Variants in THSD4 observed in about 807,000 individuals in gnomAD.
The protein encoded by THSD4 is thrombospondin type-1 domain-containing protein 4.
A neutral mutation model predicts 119.0 loss-of-function variants in THSD4; 69 were observed. The observed-to-expected ratio is 0.58, with a 90% CI of 0.48 to 0.71. The LOEUF (loss-of-function observed/expected upper bound fraction) is 0.71. Among genes scored for constraint, THSD4 ranks in the 30% least tolerant of loss-of-function variants. The pLI is 0.00. For missense variants in THSD4, 1,393 were observed against 1,391.1 expected (o/e 1.00, Z -0.02); for synonymous variants, 524 against 540.4 (o/e 0.97, Z 0.42).
At chr15:71,495,926 C>T (rs1226858524) in intron 7 of THSD4, among the ~76,000 whole-genome samples, 1 of 152,178 alleles carries the variant, frequency 6.6e-6, no homozygotes, top group Non-Finnish European at 1.5e-5. Context: ...GCTTTGGCAG[C>T]GTTCAGGACA....
intron 8 of THSD4, among the ~76,000 whole-genome samples, chr15:71,680,886 T>C (rs1318026978): frequency 6.6e-6 from 1 of 152,100 alleles, no homozygotes; most frequent in Non-Finnish European, 1.5e-5. Flanking sequence ...AAAATACTTA[T>C]TCAATAAACA....
At chr15:71,365,544 G>A (rs1017462036) in intron 6 of THSD4, among the ~76,000 whole-genome samples, 4 of 152,126 alleles carry the variant, frequency 2.6e-5, no homozygotes, top group Non-Finnish European at 5.9e-5. Flanking sequence ...ATACAGTGGG[G>A]CGGTGTGGGG....
At chr15:71,129,611 T>A (rs1362830415) in intron 1 of THSD4, among the ~76,000 whole-genome samples, 1 of 152,250 alleles carries the variant, frequency 6.6e-6, no homozygotes, top group African/African-American at 2.4e-5. Flanking sequence ...ATGTGATGAC[T>A]GACTTTTTCA....
At chr15:71,365,622 A>G (rs1389766439) in intron 6 of THSD4, among the ~76,000 whole-genome samples, 3 of 152,148 alleles carry the variant, frequency 2.0e-5, no homozygotes, top group Non-Finnish European at 2.9e-5. Context: ...GGGAGGCCTT[A>G]TGGTATGATA....
At chr15:71,107,721 A>G (rs755556804) in intron 1 of THSD4, among the ~76,000 whole-genome samples, 1 of 152,194 alleles carries the variant, frequency 6.6e-6, no homozygotes, top group Non-Finnish European at 1.5e-5. Flanking sequence ...AGCTAGCCAG[A>G]AAAAAGGGAC....
At chr15:71,389,436 C>T (rs1281588385) in intron 6 of THSD4, among the ~76,000 whole-genome samples, 1 of 150,922 alleles carries the variant, frequency 6.6e-6, no homozygotes, top group Non-Finnish European at 1.5e-5. Context: ...CAAGGTTCAT[C>T]CATGTTGTAG....
rs2053933221 is a variant in THSD4, at chr15:71,777,357, T to G, written c.3040T>G (p.Phe1014Val). The G allele has an allele frequency of 6.2e-7, 1 of 1,614,032 alleles. No individual in the cohort carries two copies. The highest frequency in any genetic ancestry group is 2.2e-5 in the East Asian group (1 of 44,878). Residue 1014 changes from phenylalanine (F) to valine (V), a missense_variant, in exon 18 of 18, where the codon TTC becomes GTC. Phe to Val is a conservative substitution (Grantham distance 50). Coordinates refer to ENST00000261862, the MANE Select transcript of THSD4 (RefSeq NM_024817.3). ...CCGTGTGGCCAACAGGCAGACGGGC[T>G]TCCTGGGGAGCAGATAACACTCCTG... ...CTRVANRQTGFLGSR is the reference protein window; with the variant it reads ...CTRVANRQTGVLGSR
At chr15:71,599,649 G>T (rs2049970061) in intron 7 of THSD4, among the ~76,000 whole-genome samples, 2 of 152,140 alleles carry the variant, frequency 1.3e-5, no homozygotes, top group Non-Finnish European at 2.9e-5. Context: ...CCCCTGGCAA[G>T]GCCCTGCTCC....
At chr15:71,743,074 T>G (rs530743684) in intron 11 of THSD4, among the ~76,000 whole-genome samples, 7 of 151,508 alleles carry the variant, frequency 4.6e-5, no homozygotes, top group South Asian at 4.2e-4. Flanking sequence ...AAAAAAAGAT[T>G]TGTAGATCTG....
intron 3 of THSD4, among the ~76,000 whole-genome samples, chr15:71,203,450 T>G (rs2043819125): frequency 6.6e-6 from 1 of 150,758 alleles, no homozygotes; most frequent in Non-Finnish European, 1.5e-5. Context: ...AGGTCAGGAG[T>G]TCAAGACCAG....
At chr15:71,212,126 T>A (rs1465805713) in intron 3 of THSD4, among the ~76,000 whole-genome samples, 1 of 152,190 alleles carries the variant, frequency 6.6e-6, no homozygotes, top group African/African-American at 2.4e-5. Context: ...ATCCCCTCAT[T>A]TTTTCTTTGA....
At chr15:71,330,295 C>A (rs2045404815) in intron 6 of THSD4, among the ~76,000 whole-genome samples, 1 of 152,094 alleles carries the variant, frequency 6.6e-6, no homozygotes, top group Admixed American at 6.5e-5. Context: ...GAGTCTCAGT[C>A]CCCACTCCTC....
chr15:71,771,254 G>A (rs766083228), intron 17 of THSD4, 46 bp downstream of exon 17: 2 of 1,607,458 alleles, frequency 1.2e-6, no homozygotes, highest in Non-Finnish European at 1.7e-6. Context: ...TGTTTTTTAA[G>A]CTTGTCAGAT....
chr15:71,428,335 G>A (rs2046901120), intron 7 of THSD4, among the ~76,000 whole-genome samples: 1 of 152,172 alleles, frequency 6.6e-6, no homozygotes, highest in Non-Finnish European at 1.5e-5. Flanking sequence ...GACTAATAGG[G>A]CCAAGGAAGC....
chr15:71,341,945 T>A lies in THSD4; in HGVS notation c.1016-69742T>A, dbSNP rs192966207. On this transcript the variant is annotated intron_variant, in intron 6 of 17. Coordinates refer to ENST00000261862, the MANE Select transcript of THSD4 (RefSeq NM_024817.3). Reference sequence around the variant, plus strand: ...AACATAAAGTATTCAAACAATCCAATTGAAAGCCAAGAAGACAGTAAAAAA... The same window carrying A: ...AACATAAAGTATTCAAACAATCCAAATGAAAGCCAAGAAGACAGTAAAAAA... Among the ~76,000 whole-genome samples, 59 of 152,270 alleles carry A rather than the reference T, an allele frequency of 3.9e-4. 1 individual carries two copies. The highest frequency in any genetic ancestry group is 1.6e-3 in the Admixed American group (25 of 15,300).
At chr15:71,655,898 G>A (rs1022671875) in intron 7 of THSD4, among the ~76,000 whole-genome samples, 26 of 152,292 alleles carry the variant, frequency 1.7e-4, no homozygotes, top group African/African-American at 6.0e-4. Context: ...AGATCTGGAT[G>A]GTGGTGGAAA....
intron 6 of THSD4, among the ~76,000 whole-genome samples, chr15:71,372,387 G>GT (rs1181384570): frequency 6.6e-6 from 1 of 152,192 alleles, no homozygotes; most frequent in Non-Finnish European, 1.5e-5. Flanking sequence ...TTTCTGCTCT[G>GT]TTTTTTCCCC....
At chr15:71,367,180 A>G (rs1449608739) in intron 6 of THSD4, among the ~76,000 whole-genome samples, 1 of 151,874 alleles carries the variant, frequency 6.6e-6, no homozygotes, top group East Asian at 1.9e-4. Context: ...TGATGATGTC[A>G]TCGCATTTGT....
At chr15:71,517,248 C>G (rs2048374240) in intron 7 of THSD4, among the ~76,000 whole-genome samples, 1 of 152,168 alleles carries the variant, frequency 6.6e-6, no homozygotes, top group African/African-American at 2.4e-5. Context: ...TCAGTCTGCT[C>G]TAAACCAGCT....
Sources: allele counts gnomAD v4.1 joint callset (sites outside exome capture counted in the v4.1 genomes callset), GRCh38; gene constraint gnomAD v4.1.1; transcripts MANE v1.5; gene names NCBI Gene and HGNC (gene_info 2026-07-23, HGNC 2026-07-21).